The following PCDH11X variants were observed in gnomAD, a reference collection of about 807,000 sequenced individuals.
PCDH11X encodes protocadherin 11 X-linked, also known as protocadherin-11 X-linked.
Under a neutral mutation model 53.3 loss-of-function variants are expected in PCDH11X, and 18 were observed. The ratio of observed to expected loss-of-function variants is 0.34; its 90% CI spans 0.23 to 0.50. The LOEUF is 0.50. PCDH11X is among the 20% of genes least tolerant of loss of function. The pLI is 0.98. For missense variants in PCDH11X, 570 were observed against 1,032.4 expected (o/e 0.55, Z 6.14); for synonymous variants, 279 against 393.3 (o/e 0.71, Z 3.44).
intron 1 of PCDH11X, among the ~76,000 whole-genome samples, chrX:91,791,529 C>T (rs1014540029): frequency 1.8e-5 from 2 of 109,090 alleles, no homozygotes; most frequent in African/African-American, 6.7e-5. Flanking sequence ...ATCCTATCAC[C>T]TTCCACCAGG....
intron 8 of PCDH11X, among the ~76,000 whole-genome samples, chrX:92,296,538 G>A (rs1443786486): frequency 9.0e-6 from 1 of 111,210 alleles, no homozygotes; most frequent in Non-Finnish European, 1.9e-5. Context: ...TTAGGACAAT[G>A]GCGTCCAGCT....
chrX:92,409,040 G>A (rs943722448), intron 9 of PCDH11X, among the ~76,000 whole-genome samples: 5 of 103,396 alleles, frequency 4.8e-5, no homozygotes, highest in Non-Finnish European at 7.7e-5. Flanking sequence ...ACTGTGTGCT[G>A]TATTATATAC....
chrX:91,883,175 G>C lies in PCDH11X; in HGVS notation c.3033+3902G>C. ...GAAGAGACAGTGCAGCACAATAACA[G>C]AGTACTCTCATGCTGTTTCTCTGTT... On this transcript the variant is annotated intron_variant, in intron 6 of 10. Coordinates refer to ENST00000682573, the MANE Select transcript of PCDH11X (RefSeq NM_032968.5). 3 of 947,989 alleles carry C rather than the reference G, an allele frequency of 3.2e-6. No homozygotes were observed. In the South Asian group the frequency reaches 8.3e-5, roughly 26 times the overall value. 78.1% of individuals were successfully genotyped at this position (947,989 alleles called of 1,213,427 possible).
At chrX:91,920,631 T>A (rs757702603) in intron 6 of PCDH11X, among the ~76,000 whole-genome samples, 94 of 111,700 alleles carry the variant, frequency 8.4e-4, no homozygotes, top group African/African-American at 3.0e-3. Context: ...ATTGTTGTTA[T>A]AATTTGCTTC....
chrX:92,078,298 A>G (rs1354042601), intron 6 of PCDH11X, among the ~76,000 whole-genome samples: 1 of 110,968 alleles, frequency 9.0e-6, no homozygotes, highest in Admixed American at 9.6e-5. Flanking sequence ...TTAAATCCCA[A>G]TAGTACAGAA....
At chrX:92,162,261 G>A (rs763736500) in intron 6 of PCDH11X, among the ~76,000 whole-genome samples, 6 of 104,810 alleles carry the variant, frequency 5.7e-5, no homozygotes, top group Non-Finnish European at 1.2e-4. Flanking sequence ...GTGCGATCTC[G>A]GCTTACTGCA....
At chrX:91,826,584 AT>A (rs748523071) in intron 4 of PCDH11X, among the ~76,000 whole-genome samples, 14 of 67,499 alleles carry the variant, frequency 2.1e-4, no homozygotes, top group East Asian at 1.8e-3. Context: ...CTAGTATGCA[AT>A]TTTTTTTTTC....
At chrX:92,400,227 A>AC (rs762498235) in intron 9 of PCDH11X, among the ~76,000 whole-genome samples, 15 of 111,716 alleles carry the variant, frequency 1.3e-4, no homozygotes, top group Non-Finnish European at 2.4e-4. Context: ...AAAGCAGAGT[A>AC]CCAGCTGCGC....
intron 7 of PCDH11X, among the ~76,000 whole-genome samples, chrX:92,209,243 A>C (rs762593145): frequency 7.1e-5 from 8 of 111,948 alleles, no homozygotes; most frequent in African/African-American, 2.6e-4. Flanking sequence ...TTAACTAAAA[A>C]TTCGAAGTCC....
intron 10 of PCDH11X, among the ~76,000 whole-genome samples, chrX:92,591,654 C>A (rs1925048721): frequency 9.0e-6 from 1 of 111,112 alleles, no homozygotes; most frequent in Non-Finnish European, 1.9e-5. Context: ...GGGGTACTCT[C>A]TTTTGGGCCT....
At chrX:92,419,824 C>T (rs1569483933) in intron 9 of PCDH11X, among the ~76,000 whole-genome samples, 1 of 106,906 alleles carries the variant, frequency 9.4e-6, no homozygotes, top group East Asian at 3.0e-4. Context: ...GGACTACAGG[C>T]GCGCGCCACC....
intron 6 of PCDH11X, among the ~76,000 whole-genome samples, chrX:92,050,368 A>T (rs1194525705): frequency 1.9e-5 from 2 of 106,130 alleles, no homozygotes; most frequent in African/African-American, 6.9e-5. Flanking sequence ...TATAAAGGAT[A>T]GTAGAATGAT....
intron 5 of PCDH11X, among the ~76,000 whole-genome samples, chrX:91,851,808 T>C (rs1938030369): frequency 9.0e-6 from 1 of 111,109 alleles, no homozygotes; most frequent in Non-Finnish European, 1.9e-5. Flanking sequence ...TTTCAAGCTG[T>C]TGTATAAATG....
chrX:92,490,706 G>T (rs1457004724), intron 10 of PCDH11X, among the ~76,000 whole-genome samples: 2 of 88,989 alleles, frequency 2.2e-5, no homozygotes, highest in Non-Finnish European at 4.4e-5. Flanking sequence ...TGTTCTAAGA[G>T]AAAAAGAAAG....
At chrX:92,293,966 A>G (rs1229458424) in intron 8 of PCDH11X, among the ~76,000 whole-genome samples, 1 of 110,563 alleles carries the variant, frequency 9.0e-6, no homozygotes, top group African/African-American at 3.3e-5. Context: ...TAGTGTATAG[A>G]TATATTGGTT....
chrX:92,446,685 C>A (rs780458227), intron 9 of PCDH11X, among the ~76,000 whole-genome samples: 2 of 111,659 alleles, frequency 1.8e-5, no homozygotes, highest in South Asian at 3.7e-4. Context: ...TCTTTATGAG[C>A]AGCATGAAAA....
At position 92,620,005 on chromosome X, in the gene PCDH11X, A is replaced by C. The variant is rs2148823817; in HGVS notation, c.*1065A>C. 1 of 111,360 alleles carries C rather than the reference A, an allele frequency of 9.0e-6. No homozygotes were observed. The highest frequency in any genetic ancestry group is 3.8e-4 in the South Asian group (1 of 2,662). The allele number at this position is 111,360 out of a possible 1,213,427, so 9.2% of individuals were successfully genotyped here. ...GTAACTGTAGATAAAACCATATACT[A>C]AATCTATAAGACTAAGGGATTTTTG... On this transcript the variant is annotated 3_prime_UTR_variant, in exon 11 of 11. Transcript: ENST00000682573.
intron 6 of PCDH11X, among the ~76,000 whole-genome samples, chrX:92,090,772 T>C (rs1247282276): frequency 9.0e-6 from 1 of 111,487 alleles, no homozygotes; most frequent in Non-Finnish European, 1.9e-5. Flanking sequence ...CAATAATCTC[T>C]GAGATATGGT....
chrX:92,594,284 CT>C (rs55773843), intron 10 of PCDH11X, among the ~76,000 whole-genome samples: 10,181 of 110,735 alleles, frequency 0.092, 494 homozygotes, highest in South Asian at 0.22. Flanking sequence ...AAATTAAGCC[CT>C]TTTTTGATCT....
Sources: gnomAD v4.1 joint callset for allele counts (sites outside exome capture counted in the v4.1 genomes callset) on GRCh38, gnomAD v4.1.1 for gene constraint, MANE v1.5 for transcripts, NCBI Gene and HGNC (gene_info 2026-07-23, HGNC 2026-07-21) for gene names.